The following SLC24A2 variants were observed in gnomAD, a reference collection of about 807,000 sequenced individuals.
SLC24A2 encodes solute carrier family 24 member 2, also known as sodium/potassium/calcium exchanger 2.
A neutral mutation model predicts 62.0 loss-of-function variants in SLC24A2; 36 were observed. That is an observed-to-expected ratio of 0.58 (90% CI 0.44 to 0.77). SLC24A2 has a LOEUF of 0.77. SLC24A2 is among the 30% of genes least tolerant of loss of function. The pLI is 0.00. For synonymous variants in SLC24A2, 358 were observed against 294.0 expected (o/e 1.22, Z -2.23); for missense variants, 846 against 817.9 (o/e 1.03, Z -0.42).
At chr9:19,897,927 C>G in the SLC24A2 span, among the ~76,000 whole-genome samples, 1 of 152,186 alleles carries the variant, frequency 6.6e-6, no homozygotes, top group African/African-American at 2.4e-5. Flanking sequence ...TGTTATTCCC[C>G]ATCCCACTTT....
chr9:19,577,220 G>A (rs1034290324), intron 5 of SLC24A2, among the ~76,000 whole-genome samples, 198 bp from the exon 6 acceptor site: 1 of 152,088 alleles, frequency 6.6e-6, no homozygotes, highest in East Asian at 1.9e-4. Flanking sequence ...CTCTATTTGA[G>A]AATCTCTTCC....
At chr9:20,281,884 TTAAG>T in the SLC24A2 span, among the ~76,000 whole-genome samples, 1 of 152,212 alleles carries the variant, frequency 6.6e-6, no homozygotes, top group Non-Finnish European at 1.5e-5. Context: ...GTACATTTAT[TTAAG>T]TCTTTTTAAA....
the SLC24A2 span, among the ~76,000 whole-genome samples, chr9:20,190,116 G>A: frequency 2.1e-4 from 32 of 152,264 alleles, no homozygotes; most frequent in East Asian, 1.2e-3. Flanking sequence ...GTGTGAACCC[G>A]CAACACTCCC....
At chr9:20,225,576 T>TATATATTATATATATATATAATA in the SLC24A2 span, among the ~76,000 whole-genome samples, 2 of 126,440 alleles carry the variant, frequency 1.6e-5, no homozygotes, top group East Asian at 2.8e-4. Context: ...ATATATATAA[T>TATATATTATATATATATATAATA]TTCATTTAAA....
chr9:19,563,929 T>C (rs569628779), intron 7 of SLC24A2, among the ~76,000 whole-genome samples: 82 of 147,796 alleles, frequency 5.5e-4, no homozygotes, highest in African/African-American at 2.0e-3. Context: ...TCATGGCTCA[T>C]TGCAGCCTCT....
At chr9:20,234,724 C>T in the SLC24A2 span, among the ~76,000 whole-genome samples, 1 of 152,234 alleles carries the variant, frequency 6.6e-6, no homozygotes, top group Non-Finnish European at 1.5e-5. Context: ...CTTCTCTCAA[C>T]TCGTCAAAGT....
At chr9:19,525,369 G>A (rs987875278) in intron 9 of SLC24A2, among the ~76,000 whole-genome samples, 1 of 112,014 alleles carries the variant, frequency 8.9e-6, no homozygotes, top group African/African-American at 3.3e-5. Flanking sequence ...GTTCTGCAAG[G>A]TTTTTTTTTC....
chr9:20,061,640 T>C, the SLC24A2 span, among the ~76,000 whole-genome samples: 1 of 152,206 alleles, frequency 6.6e-6, no homozygotes, highest in Non-Finnish European at 1.5e-5. Context: ...GAAAGGATAG[T>C]CTTTTCAATA....
At chr9:19,769,000 T>C (rs1373055697) in intron 2 of SLC24A2, among the ~76,000 whole-genome samples, 1 of 152,190 alleles carries the variant, frequency 6.6e-6, no homozygotes, top group Admixed American at 6.5e-5. Context: ...ATCTACACTC[T>C]CGTGTCTGAA....
the SLC24A2 span, among the ~76,000 whole-genome samples, chr9:19,819,379 G>T: frequency 6.6e-6 from 1 of 152,028 alleles, no homozygotes. Flanking sequence ...GCTTTTGCAC[G>T]GCAAAGGGAA....
At chr9:19,536,209 T>C (rs1833969164) in intron 8 of SLC24A2, among the ~76,000 whole-genome samples, 1 of 148,894 alleles carries the variant, frequency 6.7e-6, no homozygotes, top group South Asian at 2.1e-4. Flanking sequence ...TATTTATTTT[T>C]TTTTATTACA....
At chr9:20,003,891 GAA>G in the SLC24A2 span, among the ~76,000 whole-genome samples, 22 of 115,948 alleles carry the variant, frequency 1.9e-4, no homozygotes, top group African/African-American at 5.9e-4. Context: ...GATGTTTAAC[GAA>G]AAAAAAAAAA....
At chr9:20,129,266 G>C in the SLC24A2 span, among the ~76,000 whole-genome samples, 1 of 152,074 alleles carries the variant, frequency 6.6e-6, no homozygotes, top group Admixed American at 6.6e-5. Context: ...CATGAGAATG[G>C]CTATAATTTT....
chr9:20,105,116 G>A, the SLC24A2 span, among the ~76,000 whole-genome samples: 2 of 152,108 alleles, frequency 1.3e-5, no homozygotes, highest in African/African-American at 4.8e-5. Flanking sequence ...ATTACATAAT[G>A]GTAAAGGGAT....
At chr9:19,557,764 AT>A (rs1835169263) in intron 7 of SLC24A2, among the ~76,000 whole-genome samples, 2 of 143,650 alleles carry the variant, frequency 1.4e-5, no homozygotes, top group African/African-American at 5.2e-5. Flanking sequence ...TTTTTTTTAT[AT>A]TTTCTTGAGC....
chr9:19,525,912 A>G (rs1833429125), intron 9 of SLC24A2, among the ~76,000 whole-genome samples: 2 of 151,856 alleles, frequency 1.3e-5, no homozygotes, highest in Non-Finnish European at 2.9e-5. Flanking sequence ...TTTTTAATGT[A>G]TTCAGAGTTG....
the SLC24A2 span, among the ~76,000 whole-genome samples, chr9:20,035,636 C>T: frequency 6.6e-6 from 1 of 152,054 alleles, no homozygotes; most frequent in Non-Finnish European, 1.5e-5. Flanking sequence ...CATGTGTAGT[C>T]CCAGCTATTC....
chr9:19,998,422 C>G, the SLC24A2 span, among the ~76,000 whole-genome samples: 1 of 152,184 alleles, frequency 6.6e-6, no homozygotes, highest in Non-Finnish European at 1.5e-5. Context: ...CCTTGTGAGA[C>G]ATTTTAAATG....
chr9:20,279,105 G>GA, the SLC24A2 span, among the ~76,000 whole-genome samples: 2 of 151,834 alleles, frequency 1.3e-5, no homozygotes, highest in African/African-American at 2.4e-5. Context: ...AGAACAACAT[G>GA]AAAAAAAACC....
Sources: gnomAD v4.1 joint callset for allele counts (sites outside exome capture counted in the v4.1 genomes callset) on GRCh38, gnomAD v4.1.1 for gene constraint, MANE v1.5 for transcripts, NCBI Gene and HGNC (gene_info 2026-07-23, HGNC 2026-07-21) for gene names.